The following CNTLN variants were observed in gnomAD, a reference collection of about 807,000 sequenced individuals.
CNTLN encodes centlein.
A neutral mutation model predicts 180.0 loss-of-function variants in CNTLN; 212 were observed. The ratio of observed to expected loss-of-function variants is 1.18; its 90% confidence interval spans 1.05 to 1.32. The LOEUF (loss-of-function observed/expected upper bound fraction) is 1.32. Ranked by LOEUF, CNTLN falls within the 40% of genes most tolerant of loss-of-function variation. The probability of loss-of-function intolerance (pLI) is 0.00; values close to 1 mark genes in which losing one functional copy is unlikely to be tolerated. For synonymous variants in CNTLN, 722 were observed against 563.1 expected, an observed-to-expected ratio of 1.28 and a Z score of -3.99; for missense variants, 2,095 against 1,610.9, an observed-to-expected ratio of 1.30 and a Z score of -5.14.
chr9:17,279,364 C>G (rs1485240333), intron 6 of CNTLN, among the ~76,000 whole-genome samples: 1 of 152,084 alleles, frequency 6.6e-6, no homozygotes, highest in South Asian at 2.1e-4. Flanking sequence ...CCATTTTTAC[C>G]AGGGCCTTCC....
At chr9:17,199,590 C>T (rs1183036225) in intron 2 of CNTLN, among the ~76,000 whole-genome samples, 2 of 152,116 alleles carry the variant, frequency 1.3e-5, no homozygotes, top group Non-Finnish European at 2.9e-5. Flanking sequence ...TCTCTAATGA[C>T]CAGAGATGAT....
chr9:17,195,233 G>A (rs1822054380), intron 2 of CNTLN, among the ~76,000 whole-genome samples: 1 of 152,180 alleles, frequency 6.6e-6, no homozygotes, highest in African/African-American at 2.4e-5. Flanking sequence ...CAAGGAATTG[G>A]ATTATAAAGC....
intron 24 of CNTLN, among the ~76,000 whole-genome samples, chr9:17,486,694 C>CT (rs1341734713): frequency 1.3e-5 from 2 of 152,084 alleles, no homozygotes; most frequent in Non-Finnish European, 2.9e-5. Context: ...TGATTTTTCA[C>CT]TTTAATTGCT....
Position 17,206,793 on chromosome 9 carries a change from A to T in CNTLN, c.450-19410A>T, listed in dbSNP as rs147174667. ...GCGTTCATCCAGTGTTGTTTCGGAGAAATCTCTGTTTCAATCTATTCCTAT... is the reference window on the plus strand; with the variant it reads ...GCGTTCATCCAGTGTTGTTTCGGAGTAATCTCTGTTTCAATCTATTCCTAT... On this transcript the variant is annotated intron_variant, in intron 2 of 25. Coordinates refer to ENST00000380647, the MANE Select transcript of CNTLN (RefSeq NM_017738.4). Among the ~76,000 whole-genome samples the T allele has an allele frequency of 4.4e-4, 67 of 152,350 alleles. No individual in the cohort carries two copies. In the East Asian group the frequency reaches 0.012, roughly 28 times the overall value.
At chr9:17,302,913 A>T (rs1214146332) in intron 7 of CNTLN, among the ~76,000 whole-genome samples, 1 of 152,224 alleles carries the variant, frequency 6.6e-6, no homozygotes, top group Non-Finnish European at 1.5e-5. Flanking sequence ...AAATTATTTT[A>T]GAAATGTTTT....
At chr9:17,370,333 T>TG (rs1183685080) in intron 13 of CNTLN, among the ~76,000 whole-genome samples, 2 of 152,062 alleles carry the variant, frequency 1.3e-5, no homozygotes, top group Non-Finnish European at 2.9e-5. Context: ...TAACATACAA[T>TG]GGAGCTTCAA....
At chr9:17,522,030 AC>A in the CNTLN span, among the ~76,000 whole-genome samples, 80,387 of 151,934 alleles carry the variant, frequency 0.53, 24,857 homozygotes, top group East Asian at 0.91. Context: ...GGCATTAGCA[AC>A]TACTGTTTAC....
chr9:17,234,007 G>T (rs1824976284), intron 3 of CNTLN, among the ~76,000 whole-genome samples: 1 of 152,038 alleles, frequency 6.6e-6, no homozygotes, highest in Non-Finnish European at 1.5e-5. Context: ...TTTCCTAGCT[G>T]AATGTTGGTT....
At chr9:17,391,008 C>G (rs1375469568) in intron 14 of CNTLN, among the ~76,000 whole-genome samples, 2 of 152,094 alleles carry the variant, frequency 1.3e-5, no homozygotes, top group African/African-American at 2.4e-5. Context: ...GGCAGGTTAA[C>G]ACGAGAAATA....
At chr9:17,150,216 G>A (rs1171079872) in intron 2 of CNTLN, among the ~76,000 whole-genome samples, 1 of 152,178 alleles carries the variant, frequency 6.6e-6, no homozygotes, top group African/African-American at 2.4e-5. Flanking sequence ...TGGACATGAA[G>A]TCTTTGCCCA....
intron 2 of CNTLN, among the ~76,000 whole-genome samples, chr9:17,171,783 A>C (rs1407554425): frequency 6.6e-6 from 1 of 152,088 alleles, no homozygotes; most frequent in Non-Finnish European, 1.5e-5. Context: ...CTCGTGGAAT[A>C]GCTAGGGAGC....
intron 12 of CNTLN, among the ~76,000 whole-genome samples, chr9:17,362,936 T>C (rs2133403286): frequency 6.6e-6 from 1 of 152,254 alleles, no homozygotes; most frequent in East Asian, 1.9e-4. Flanking sequence ...TCCCTCTCTG[T>C]GTCCATGTGT....
rs1239464730 is a variant in CNTLN, at chr9:17,492,735, GTA to G, written c.4119+5673_4119+5674del. Among the ~76,000 whole-genome samples, 3 of 152,106 alleles carry G rather than the reference GTA, an allele frequency of 2.0e-5. No individual in the cohort carries two copies. The East Asian group carries it at 5.8e-4, about 29-fold the overall frequency. ...TATTATCCAGTAATTCTGCCTTGGGGTATATCTCCAAAAGAATTGGAAGCAGG... is the reference window on the plus strand; with the variant it reads ...TATTATCCAGTAATTCTGCCTTGGGGTATCTCCAAAAGAATTGGAAGCAGG... On this transcript the variant is annotated intron_variant, in intron 25 of 25. Coordinates refer to ENST00000380647, the MANE Select transcript of CNTLN (RefSeq NM_017738.4).
chr9:17,253,710 A>G (rs1047625905), intron 5 of CNTLN, among the ~76,000 whole-genome samples: 1 of 150,642 alleles, frequency 6.6e-6, no homozygotes, highest in African/African-American at 2.4e-5. Context: ...TGTTGTTTGC[A>G]AAGAGGGACA....
intron 12 of CNTLN, among the ~76,000 whole-genome samples, chr9:17,346,404 G>A (rs1358737907): frequency 6.6e-6 from 1 of 151,152 alleles, no homozygotes. Flanking sequence ...TGAACACCTA[G>A]GAGATTATGG....
chr9:17,438,756 C>T (rs1343354055), intron 18 of CNTLN, among the ~76,000 whole-genome samples: 1 of 152,114 alleles, frequency 6.6e-6, no homozygotes, highest in African/African-American at 2.4e-5. Flanking sequence ...AATTTTGCAG[C>T]CATGAGTATG....
At chr9:17,402,323 C>A (rs2133791499) in intron 15 of CNTLN, among the ~76,000 whole-genome samples, 1 of 151,832 alleles carries the variant, frequency 6.6e-6, no homozygotes, top group East Asian at 1.9e-4. Flanking sequence ...CAGGTAGGGA[C>A]AGCCATCGAC....
At chr9:17,527,618 A>G in the CNTLN span, among the ~76,000 whole-genome samples, 1 of 152,098 alleles carries the variant, frequency 6.6e-6, no homozygotes, top group African/African-American at 2.4e-5. Flanking sequence ...TGTGTGGTAA[A>G]GAATTAGAGT....
intron 14 of CNTLN, among the ~76,000 whole-genome samples, chr9:17,390,320 C>T (rs1191957270): frequency 1.4e-5 from 2 of 141,384 alleles, no homozygotes; most frequent in Admixed American, 7.6e-5. Context: ...CTCACTGCAA[C>T]CTCCGCCTCC....
Sources: allele counts gnomAD v4.1 joint callset (sites outside exome capture counted in the v4.1 genomes callset), GRCh38; gene constraint gnomAD v4.1.1; transcripts MANE v1.5; gene names NCBI Gene and HGNC (gene_info 2026-07-23, HGNC 2026-07-21).